Variants in PLA2G4D observed in about 807,000 individuals in gnomAD.
PLA2G4D encodes the protein phospholipase A2 group IVD, also known as cytosolic phospholipase A2 delta.
PLA2G4D carries 80 observed loss-of-function variants against 94.4 expected under a neutral mutation model. That is an observed-to-expected ratio of 0.85 (90% CI 0.71 to 1.02). The LOEUF (loss-of-function observed/expected upper bound fraction) is 1.02. Among genes scored for constraint, PLA2G4D ranks in the 50% least tolerant of loss-of-function variants. PLA2G4D has a pLI of 0.00. For synonymous variants in PLA2G4D, 438 were observed against 440.9 expected (o/e 0.99, Z 0.08); for missense variants, 1,050 against 1,034.7 (o/e 1.01, Z -0.20).
chr15:42,085,455 CCTGAGACACTCCCTGGGCTGTGTGA>C lies in PLA2G4D; in HGVS notation c.428+11_428+35del. 1 of 1,610,918 alleles carries C rather than the reference CCTGAGACACTCCCTGGGCTGTGTGA, an allele frequency of 6.2e-7. No homozygotes were observed. ...AGGGCCATTTCCTCAGAGCCTGAGTCCTGAGACACTCCCTGGGCTGTGTGACATTACTCACGTTTCTTCCATCAGG... is the reference window on the plus strand; with the variant it reads ...AGGGCCATTTCCTCAGAGCCTGAGTCCATTACTCACGTTTCTTCCATCAGG... On this transcript the variant is annotated intron_variant, in intron 5 of 19. Transcript: ENST00000290472.
Position 42,082,348 on chromosome 15 carries a change from C to T in PLA2G4D, c.714G>A (p.Gly238=), listed in dbSNP as rs144813410. ...SNGWNGDNSA[G]YLTVPLRPLT... ...AGGGCCTCAGGGGCACAGTGAGGTA[C>T]CCAGCTGAGTTGTCCCCATTCCAGC... The change falls in exon 9 of 20, where the codon GGG becomes GGA. Residue 238 remains glycine (G), a synonymous_variant. Coordinates refer to ENST00000290472, the MANE Select transcript of PLA2G4D (RefSeq NM_178034.4). 4 of 1,614,164 alleles carry T rather than the reference C, an allele frequency of 2.5e-6. No individual in the cohort carries two copies. In the East Asian group the frequency reaches 6.7e-5, roughly 27 times the overall value.
chr15:42,094,207 G>A (rs1185679833), intron 1 of PLA2G4D, among the ~76,000 whole-genome samples: 2 of 152,154 alleles, frequency 1.3e-5, no homozygotes, highest in East Asian at 3.9e-4. Flanking sequence ...GGGAGAGGAA[G>A]CTCTGCTGAC....
intron 1 of PLA2G4D, 78 bp downstream of exon 1, chr15:42,094,337 G>A (rs1890299262): frequency 2.6e-6 from 4 of 1,539,154 alleles, no homozygotes; most frequent in Middle Eastern, 1.7e-4. Flanking sequence ...CCTGATTCCA[G>A]CTATCACACT....
At chr15:42,072,755 G>A (rs1164854929) in intron 13 of PLA2G4D, among the ~76,000 whole-genome samples, 1 of 152,210 alleles carries the variant, frequency 6.6e-6, no homozygotes, top group African/African-American at 2.4e-5. Context: ...GTATTGCTTT[G>A]TAGAAAGGAT....
At chr15:42,071,946 G>A (rs775121811) in intron 14 of PLA2G4D, 35 bp from the exon 15 acceptor site, 1 of 1,608,116 alleles carries the variant, frequency 6.2e-7, no homozygotes, top group African/African-American at 1.3e-5. Context: ...GGAGTGTGAG[G>A]GGAGTGGATT....
intron 12 of PLA2G4D, 134 bp from the exon 13 acceptor site, chr15:42,079,893 T>C (rs1300374338): frequency 2.7e-6 from 2 of 738,278 alleles, no homozygotes; most frequent in Non-Finnish European, 4.3e-6. Flanking sequence ...GGTAAATGGG[T>C]CTCAGGGCTT....
chr15:42,086,437 G>A (rs1890150585), intron 3 of PLA2G4D, 93 bp from the exon 4 acceptor site: 4 of 1,326,218 alleles, frequency 3.0e-6, no homozygotes, highest in African/African-American at 1.5e-5. Context: ...TAGAGTCAGA[G>A]AAGATCATTA....
intron 4 of PLA2G4D, 46 bp downstream of exon 4, chr15:42,086,167 T>C (rs1277017197): frequency 2.3e-5 from 35 of 1,529,068 alleles, no homozygotes; most frequent in Non-Finnish European, 2.8e-5. Context: ...CAGCTTGGAG[T>C]TGGAAGAAGT....
intron 2 of PLA2G4D, 90 bp from the exon 3 acceptor site, chr15:42,087,526 C>A: frequency 1.9e-6 from 3 of 1,605,010 alleles, no homozygotes; most frequent in South Asian, 2.2e-5. Flanking sequence ...CCCTGGCGGT[C>A]ACCGCAGGTG....
intron 7 of PLA2G4D, 130 bp downstream of exon 7, chr15:42,083,586 G>A (rs1191430335): frequency 6.6e-6 from 8 of 1,212,624 alleles, no homozygotes; most frequent in Admixed American, 5.4e-5. Context: ...GGCCCTCTGT[G>A]CCATGTGGGT....
chr15:42,087,888 G>C (rs577261363), intron 1 of PLA2G4D, among the ~76,000 whole-genome samples, 188 bp from the exon 2 acceptor site: 34 of 152,358 alleles, frequency 2.2e-4, no homozygotes, highest in Admixed American at 2.1e-3. Context: ...TGGGGGTCAT[G>C]GTTCTGGGCT....
intron 13 of PLA2G4D, 106 bp downstream of exon 13, chr15:42,079,431 C>G: frequency 3.5e-6 from 4 of 1,134,196 alleles, no homozygotes; most frequent in South Asian, 1.5e-5. Flanking sequence ...AACACTGGCT[C>G]TTCCACGCTG....
intron 5 of PLA2G4D, 96 bp from the exon 6 acceptor site, chr15:42,085,234 T>TA: frequency 2.1e-6 from 3 of 1,432,772 alleles, no homozygotes; most frequent in Non-Finnish European, 3.0e-6. Context: ...GAGGGCTCTG[T>TA]AAGTCCTGGA....
chr15:42,071,577 C>G (rs1319465933), intron 15 of PLA2G4D, 26 bp from the exon 16 acceptor site: 1 of 1,593,382 alleles, frequency 6.3e-7, no homozygotes, highest in Non-Finnish European at 8.6e-7. Flanking sequence ...AGAGATCAGC[C>G]TCAGGCCCCA....
Position 42,070,096 on chromosome 15 carries a change from C to CT in PLA2G4D, c.2044-2dup. On this transcript the variant is annotated splice_acceptor_variant, in intron 18 of 19. Coordinates refer to ENST00000290472, the MANE Select transcript of PLA2G4D (RefSeq NM_178034.4). LOFTEE classifies it high-confidence loss of function. Reference sequence around the variant, plus strand: ...AGTACAGCTCCGTCTGCTGCAGTGCCTGGTGGGGAGAAGGTGGCCCGGAGA... The same window carrying CT: ...AGTACAGCTCCGTCTGCTGCAGTGCCTTGGTGGGGAGAAGGTGGCCCGGAGA... The CT allele has an allele frequency of 2.7e-6, 4 of 1,503,904 alleles. No homozygotes were observed. The highest frequency in any genetic ancestry group is 2.3e-5 in the Admixed American group (1 of 43,406). The allele number at this position is 1,503,904 out of a possible 1,614,324, so 93.2% of individuals were successfully genotyped here.
intron 16 of PLA2G4D, 37 bp downstream of exon 16, chr15:42,071,407 G>C: frequency 1.3e-6 from 2 of 1,583,772 alleles, no homozygotes; most frequent in South Asian, 1.1e-5. Flanking sequence ...AAGGAACAGC[G>C]TCATCCCAGG....
rs748392314 is a variant in PLA2G4D at position 42,086,195 on chromosome 15, CCCCACCCA to C, written c.387+10_387+17del. 2.9e-4 allele frequency: 104 copies of C among 361,472 alleles called. 1 individual carries two copies. Among genetic ancestry groups the C allele is most frequent in the Non-Finnish European group, 5.0e-4 (101 of 201,734 alleles). The allele number at this position is 361,472 out of a possible 1,614,324, so 22.4% of individuals were successfully genotyped here. On this transcript the variant is annotated intron_variant, in intron 4 of 19. Transcript: ENST00000290472. ...GAAGAAGTGGGGCCCACGGGGACTTCCCCACCCACCCACCCACCTGGGGACTCTGGGAG... is the reference window on the plus strand; with the variant it reads ...GAAGAAGTGGGGCCCACGGGGACTTCCCCACCCACCTGGGGACTCTGGGAG...
At chr15:42,079,885 T>A in intron 12 of PLA2G4D, 126 bp from the exon 13 acceptor site, 1 of 812,788 alleles carries the variant, frequency 1.2e-6, no homozygotes, top group African/African-American at 1.8e-5. Flanking sequence ...GCCGATCTGG[T>A]AAATGGGTCT....
At chr15:42,078,119 C>T (rs1243978668) in intron 13 of PLA2G4D, among the ~76,000 whole-genome samples, 1 of 152,266 alleles carries the variant, frequency 6.6e-6, no homozygotes, top group Non-Finnish European at 1.5e-5. Flanking sequence ...TCTGGACACA[C>T]TGCTGATGGG....
Sources: gnomAD v4.1 joint callset for allele counts (sites outside exome capture counted in the v4.1 genomes callset) on GRCh38, gnomAD v4.1.1 for gene constraint, MANE v1.5 for transcripts, NCBI Gene and HGNC (gene_info 2026-07-23, HGNC 2026-07-21) for gene names.